SNCAIP: variants seen among roughly 807,000 people sequenced by gnomAD.
SNCAIP encodes synuclein alpha interacting protein, also known as synphilin-1.
Under a neutral mutation model 86.7 loss-of-function variants are expected in SNCAIP, and 43 were observed. The ratio of observed to expected loss-of-function variants is 0.50; its 90% confidence interval spans 0.39 to 0.64. SNCAIP has a LOEUF of 0.64. Among genes scored for constraint, SNCAIP ranks in the 30% least tolerant of loss-of-function variants. SNCAIP has a pLI of 0.00. For synonymous variants in SNCAIP, 417 were observed against 427.2 expected (o/e 0.98, Z 0.29); for missense variants, 981 against 1,103.1 (o/e 0.89, Z 1.57).
chr5:122,372,544 T>C (rs1033694080), intron 1 of SNCAIP, among the ~76,000 whole-genome samples: 1 of 152,188 alleles, frequency 6.6e-6, no homozygotes, highest in African/African-American at 2.4e-5. Flanking sequence ...TATAATATAC[T>C]TGGATTCATC....
Position 122,463,551 on chromosome 5 carries a change from A to G in SNCAIP, c.*55A>G, listed in dbSNP as rs1447298383. The G allele has an allele frequency of 6.3e-7, 1 of 1,599,906 alleles. No individual in the cohort carries two copies. The highest frequency in any genetic ancestry group is 2.2e-5 in the East Asian group (1 of 44,694). ...ACAGCATAAAGCACATTGCTGAGCCAGAGTCAAAAGAACTCTTCTTGTAAA... is the reference window on the plus strand; with the variant it reads ...ACAGCATAAAGCACATTGCTGAGCCGGAGTCAAAAGAACTCTTCTTGTAAA... On this transcript the variant is annotated 3_prime_UTR_variant, in exon 11 of 11. Transcript: ENST00000261368.
intron 1 of SNCAIP, among the ~76,000 whole-genome samples, chr5:122,385,182 C>T (rs1767847453): frequency 6.6e-6 from 1 of 152,192 alleles, no homozygotes; most frequent in Admixed American, 6.5e-5. Flanking sequence ...ATTGTAATAG[C>T]ATGCCTTCTT....
intron 1 of SNCAIP, among the ~76,000 whole-genome samples, chr5:122,356,095 CTTTTT>C (rs757246404): frequency 9.7e-6 from 1 of 102,766 alleles, no homozygotes; most frequent in African/African-American, 3.7e-5. Flanking sequence ...GTTAGCCTTT[CTTTTT>C]TTTTTTTTTT....
At chr5:122,348,235 A>T (rs1759018383) in intron 1 of SNCAIP, among the ~76,000 whole-genome samples, 1 of 152,146 alleles carries the variant, frequency 6.6e-6, no homozygotes, top group Non-Finnish European at 1.5e-5. Context: ...GGAAACCTAG[A>T]AATAAAGTTT....
chr5:122,395,357 G>T (rs1023289511), intron 2 of SNCAIP, among the ~76,000 whole-genome samples: 1 of 152,056 alleles, frequency 6.6e-6, no homozygotes, highest in African/African-American at 2.4e-5. Context: ...GAAATATTCT[G>T]TTGCCTTTCT....
At chr5:122,420,235 A>G (rs1776110319) in intron 3 of SNCAIP, among the ~76,000 whole-genome samples, 1 of 152,230 alleles carries the variant, frequency 6.6e-6, no homozygotes, top group African/African-American at 2.4e-5. Flanking sequence ...CGTAAGACCC[A>G]GACAGAATTC....
At chr5:122,405,606 A>G (rs1430138630) in intron 3 of SNCAIP, among the ~76,000 whole-genome samples, 3 of 152,216 alleles carry the variant, frequency 2.0e-5, no homozygotes, top group Non-Finnish European at 4.4e-5. Context: ...GTCTACTTCC[A>G]GATTCTGTTA....
chr5:122,401,088 G>C (rs1323052350), intron 2 of SNCAIP: 1 of 1,549,968 alleles, frequency 6.5e-7, no homozygotes. Flanking sequence ...ACTGACAGTA[G>C]TTGCTGCCCT....
Position 122,423,025 on chromosome 5 carries a change from C to G in SNCAIP, c.288C>G (p.Asp96Glu). 1 of 1,614,066 alleles carries G rather than the reference C, an allele frequency of 6.2e-7. No individual in the cohort carries two copies. The highest frequency in any genetic ancestry group is 8.5e-7 in the Non-Finnish European group (1 of 1,180,006). ...CTCTGGAGAACAATGAAAGTGATGACCAAAAGAACCAGAAAGTGGTTGAGT... is the reference window on the plus strand; with the variant it reads ...CTCTGGAGAACAATGAAAGTGATGAGCAAAAGAACCAGAAAGTGGTTGAGT... ...PETLENNESD[D>E]QKNQKVVEYQ... Residue 96 changes from aspartate to glutamate, a missense_variant, in exon 4 of 11, where the codon GAC becomes GAG. Coordinates refer to ENST00000261368, the MANE Select transcript of SNCAIP (RefSeq NM_005460.4).
intron 1 of SNCAIP, among the ~76,000 whole-genome samples, chr5:122,333,443 T>G (rs2152702809): frequency 6.6e-6 from 1 of 152,346 alleles, no homozygotes; most frequent in East Asian, 1.9e-4. Context: ...CAATGCACAG[T>G]AGCTATTGCA....
At chr5:122,377,608 A>G (rs1168264383) in intron 1 of SNCAIP, among the ~76,000 whole-genome samples, 1 of 151,922 alleles carries the variant, frequency 6.6e-6, no homozygotes, top group East Asian at 1.9e-4. Context: ...TTACATATGT[A>G]TACATGTGCC....
intron 1 of SNCAIP, among the ~76,000 whole-genome samples, chr5:122,341,023 A>G (rs531696871): frequency 2.4e-4 from 36 of 152,334 alleles, no homozygotes; most frequent in Middle Eastern, 6.8e-3. Context: ...ATGTTTTTTA[A>G]TGCATTTCTG....
At chr5:122,441,713 T>C (rs1420522709) in intron 7 of SNCAIP, among the ~76,000 whole-genome samples, 1 of 152,080 alleles carries the variant, frequency 6.6e-6, no homozygotes, top group East Asian at 1.9e-4. Flanking sequence ...CCAATTGATC[T>C]TTCCACCTTG....
At chr5:122,350,200 C>T (rs1226679341) in intron 1 of SNCAIP, among the ~76,000 whole-genome samples, 2 of 152,106 alleles carry the variant, frequency 1.3e-5, no homozygotes, top group Non-Finnish European at 1.5e-5. Context: ...ATTCGAGGGT[C>T]CATCCCAGCT....
At chr5:122,318,004 T>A (rs963576733) in intron 1 of SNCAIP, among the ~76,000 whole-genome samples, 2 of 151,920 alleles carry the variant, frequency 1.3e-5, no homozygotes, top group African/African-American at 4.8e-5. Context: ...ATAGATAAAA[T>A]TGAATTATAT....
At chr5:122,382,584 G>A (rs1251550420) in intron 1 of SNCAIP, among the ~76,000 whole-genome samples, 1 of 152,190 alleles carries the variant, frequency 6.6e-6, no homozygotes, top group Non-Finnish European at 1.5e-5. Context: ...CGTTGCTGGT[G>A]AGGAACTGCG....
intron 1 of SNCAIP, among the ~76,000 whole-genome samples, chr5:122,352,430 ACTT>A (rs1760050116): frequency 6.6e-6 from 1 of 152,174 alleles, no homozygotes; most frequent in Non-Finnish European, 1.5e-5. Flanking sequence ...TGAGTTTTCT[ACTT>A]CTTTTACTGA....
chr5:122,412,986 C>A (rs1277494463), intron 3 of SNCAIP, among the ~76,000 whole-genome samples: 1 of 152,176 alleles, frequency 6.6e-6, no homozygotes, highest in East Asian at 1.9e-4. Context: ...TGAGACCTAA[C>A]TCTCAAGATG....
chr5:122,355,549 C>T (rs1409454984), intron 1 of SNCAIP, among the ~76,000 whole-genome samples: 1 of 152,118 alleles, frequency 6.6e-6, no homozygotes, highest in Middle Eastern at 3.2e-3. Flanking sequence ...CTCAACATGC[C>T]AGTGTTTCCT....
Sources: gnomAD v4.1 joint callset for allele counts (sites outside exome capture counted in the v4.1 genomes callset) on GRCh38, gnomAD v4.1.1 for gene constraint, MANE v1.5 for transcripts, NCBI Gene and HGNC (gene_info 2026-07-23, HGNC 2026-07-21) for gene names.